ALK: variants seen among roughly 807,000 people sequenced by gnomAD.
ALK encodes the protein ALK receptor tyrosine kinase, also known as ALK tyrosine kinase receptor.
ALK carries 74 observed loss-of-function variants against 163.1 expected under a neutral mutation model. The ratio of observed to expected loss-of-function variants is 0.45; its 90% CI spans 0.38 to 0.55. The LOEUF (loss-of-function observed/expected upper bound fraction) is 0.55. ALK is among the 20% of genes least tolerant of loss of function. The pLI, the probability that ALK is intolerant of heterozygous loss-of-function variation, is 0.00. For missense variants in ALK, 2,063 were observed against 2,105.3 expected, an observed-to-expected ratio of 0.98 and a Z score of 0.39; for synonymous variants, 960 against 843.2, an observed-to-expected ratio of 1.14 and a Z score of -2.40.
intron 5 of ALK, among the ~76,000 whole-genome samples, chr2:29,354,917 C>A (rs1036133521): frequency 1.3e-5 from 2 of 152,110 alleles, no homozygotes; most frequent in Non-Finnish European, 2.9e-5. Flanking sequence ...CAGGTGCCTG[C>A]CACCGCGCCT....
intron 3 of ALK, 58 bp downstream of exon 3, chr2:29,694,792 T>C: frequency 1.3e-6 from 2 of 1,599,602 alleles, no homozygotes; most frequent in Non-Finnish European, 1.7e-6. Context: ...CAAACAGAAA[T>C]AGGTATTCCA....
At position 29,585,908 on chromosome 2, in the gene ALK, TAAC is replaced by T. The variant is rs1257503975; in HGVS notation, c.953-53795_953-53793del. 2.6e-5 allele frequency among the ~76,000 whole-genome samples: 4 copies of T among 152,160 alleles called. No individual in the cohort carries two copies. In the East Asian group the frequency reaches 5.8e-4, roughly 22 times the overall value. On this transcript the variant is annotated intron_variant, in intron 3 of 28. Transcript: ENST00000389048. Reference sequence around the variant, plus strand: ...ATCTTAATACGTATCCTAAGATACATAACTACTATGAGAATTAGTAGTTTAAAA... The same window carrying T: ...ATCTTAATACGTATCCTAAGATACATTACTATGAGAATTAGTAGTTTAAAA...
At chr2:29,730,101 G>A (rs74823338) in intron 1 of ALK, among the ~76,000 whole-genome samples, 2,268 of 152,312 alleles carry the variant, frequency 0.015, 46 homozygotes, top group African/African-American at 0.051. Flanking sequence ...ATGGCAACTC[G>A]GGATCCCCTC....
intron 18 of ALK, 103 bp from the exon 19 acceptor site, chr2:29,225,668 C>T (rs908131827): frequency 3.4e-5 from 32 of 948,402 alleles, no homozygotes; most frequent in African/African-American, 4.8e-5. Context: ...AAACTACTTG[C>T]TCCTTCCCAT....
At chr2:29,263,861 T>C (rs1345332859) in intron 11 of ALK, among the ~76,000 whole-genome samples, 1 of 152,214 alleles carries the variant, frequency 6.6e-6, no homozygotes, top group Non-Finnish European at 1.5e-5. Flanking sequence ...TCAGCAGTCA[T>C]CTATAAAATA....
Position 29,904,909 on chromosome 2 carries a change from G to T in ALK, c.667+15084C>A, listed in dbSNP as rs111941889. Among the ~76,000 whole-genome samples the T allele has an allele frequency of 1.0e-2, 1,523 of 152,304 alleles. 16 individuals are homozygous for T. Among genetic ancestry groups the T allele is most frequent in the African/African-American group, 0.034 (1,398 of 41,556 alleles). ...GTAGAGAATTACACTCTGTCTGGGGGATTACACTTCTATCAGGATTTACAG... is the reference window on the plus strand; with the variant it reads ...GTAGAGAATTACACTCTGTCTGGGGTATTACACTTCTATCAGGATTTACAG... On this transcript the variant is annotated intron_variant, in intron 1 of 28. Coordinates refer to ENST00000389048, the MANE Select transcript of ALK (RefSeq NM_004304.5).
intron 1 of ALK, among the ~76,000 whole-genome samples, chr2:29,859,378 A>G (rs1205456318): frequency 6.6e-6 from 1 of 152,256 alleles, no homozygotes; most frequent in East Asian, 1.9e-4. Flanking sequence ...AGCCAGACTC[A>G]GGCACAAGTG....
chr2:29,466,463 C>T lies in ALK; in HGVS notation c.1154+65452G>A, dbSNP rs140856320. On this transcript the variant is annotated intron_variant, in intron 4 of 28. Coordinates refer to ENST00000389048, the MANE Select transcript of ALK (RefSeq NM_004304.5). ...AATAATTTTCAAACACATATGGGTGCTATCACATGGAAATCTATTCTAAAA... is the reference window on the plus strand; with the variant it reads ...AATAATTTTCAAACACATATGGGTGTTATCACATGGAAATCTATTCTAAAA... Among the ~76,000 whole-genome samples the T allele has an allele frequency of 1.2e-3, 176 of 152,302 alleles. 1 individual carries two copies. Among genetic ancestry groups the T allele is most frequent in the African/African-American group, 3.3e-3 (137 of 41,564 alleles).
In ALK at chr2:29,209,829, C is replaced by T. The variant is rs749074853; in HGVS notation, c.3793G>A (p.Val1265Met). Residue 1265 changes from valine (V) to methionine (M), a missense_variant, in exon 25 of 29, where the codon GTG becomes ATG. Val to Met is a conservative substitution (Grantham distance 21, BLOSUM62 1). Around this residue, in one of 5 missense-constraint regions of ALK, gnomAD observed 83 missense variants for 139.7 expected, o/e 0.59. Transcript: ENST00000389048. ...ATCCCGAAGTCTCCAATCTTGGCCA[C>T]TCTTCCAGGGCCTGGACAGGTCAAG... ...CLLTCPGPGR[V>M]AKIGDFGMAR... 4 of 1,614,198 alleles carry T rather than the reference C, an allele frequency of 2.5e-6. No homozygotes were observed. The South Asian group carries it at 4.4e-5, about 18-fold the overall frequency.
intron 4 of ALK, among the ~76,000 whole-genome samples, chr2:29,396,010 C>T (rs1044163132): frequency 7.9e-6 from 1 of 127,302 alleles, no homozygotes; most frequent in Middle Eastern, 4.5e-3. Flanking sequence ...CTTTTTCTCT[C>T]GTTAACCTGT....
At chr2:29,547,446 G>C (rs1020191073) in intron 3 of ALK, among the ~76,000 whole-genome samples, 4 of 151,996 alleles carry the variant, frequency 2.6e-5, no homozygotes, top group Non-Finnish European at 4.4e-5. Context: ...AAATACAAAA[G>C]ATTAGCCGGG....
intron 3 of ALK, among the ~76,000 whole-genome samples, chr2:29,679,982 CT>C (rs1302676445): frequency 2.0e-5 from 3 of 151,858 alleles, no homozygotes; most frequent in Non-Finnish European, 2.9e-5. Context: ...GACATTTTTT[CT>C]TATCTTTCAA....
intron 2 of ALK, among the ~76,000 whole-genome samples, chr2:29,716,796 A>G (rs1289433820): frequency 1.3e-5 from 2 of 152,010 alleles, no homozygotes; most frequent in African/African-American, 4.8e-5. Flanking sequence ...GAGCTTCTTA[A>G]CTGTAAGGGG....
At chr2:29,497,753 G>T (rs191645623) in intron 4 of ALK, among the ~76,000 whole-genome samples, 4 of 151,994 alleles carry the variant, frequency 2.6e-5, no homozygotes, top group Non-Finnish European at 5.9e-5. Context: ...ATATTGTTTC[G>T]GTCATGTAGG....
chr2:29,872,988 C>G (rs1487356247), intron 1 of ALK, among the ~76,000 whole-genome samples: 1 of 152,212 alleles, frequency 6.6e-6, no homozygotes, highest in African/African-American at 2.4e-5. Context: ...CACAACATCT[C>G]TCCTCGGAAG....
intron 4 of ALK, among the ~76,000 whole-genome samples, chr2:29,470,886 T>C (rs1671331911): frequency 1.3e-5 from 2 of 152,176 alleles, no homozygotes; most frequent in Non-Finnish European, 1.5e-5. Flanking sequence ...ATGTAAAATA[T>C]GTGTAGCTGT....
chr2:29,554,867 C>T (rs1182158709), intron 3 of ALK, among the ~76,000 whole-genome samples: 1 of 152,172 alleles, frequency 6.6e-6, no homozygotes, highest in Non-Finnish European at 1.5e-5. Context: ...CCCACCAAAA[C>T]CAAGATGGTG....
At chr2:29,804,198 C>T (rs533290756) in intron 1 of ALK, among the ~76,000 whole-genome samples, 6 of 152,370 alleles carry the variant, frequency 3.9e-5, no homozygotes, top group East Asian at 3.9e-4. Flanking sequence ...GAACTAGCTA[C>T]TGAATGTAAA....
At chr2:29,815,379 T>G (rs190769140) in intron 1 of ALK, among the ~76,000 whole-genome samples, 1 of 152,202 alleles carries the variant, frequency 6.6e-6, no homozygotes, top group East Asian at 1.9e-4. Flanking sequence ...AGCTATTCAT[T>G]AAAGTCTCTG....
Sources: allele counts gnomAD v4.1 joint callset (sites outside exome capture counted in the v4.1 genomes callset), GRCh38; gene constraint gnomAD v4.1.1; regional missense constraint gnomAD v4.1.1; transcripts MANE v1.5; gene names NCBI Gene and HGNC (gene_info 2026-07-23, HGNC 2026-07-21).